The following RASA3 variants were observed in gnomAD, a reference collection of about 807,000 sequenced individuals.
The protein encoded by RASA3 is ras GTPase-activating protein 3.
In RASA3, 73 loss-of-function variants were observed where a neutral mutation model predicts 110.0. The ratio of observed to expected loss-of-function variants is 0.66; its 90% CI spans 0.55 to 0.81. The LOEUF (loss-of-function observed/expected upper bound fraction) is 0.81. RASA3 is among the 30% of genes least tolerant of loss of function. The pLI, the probability that RASA3 is intolerant of heterozygous loss-of-function variation, is 0.00. For synonymous variants in RASA3, 500 were observed against 451.4 expected, an observed-to-expected ratio of 1.11 and a Z score of -1.37; for missense variants, 976 against 1,113.2, an observed-to-expected ratio of 0.88 and a Z score of 1.75.
intron 18 of RASA3, 42 bp from the exon 19 acceptor site, chr13:114,000,974 G>T: frequency 7.3e-7 from 1 of 1,372,386 alleles, no homozygotes. Flanking sequence ...GGCCTCAGCT[G>T]CCTCCCTGCA....
chr13:114,077,792 C>T lies in RASA3; in HGVS notation c.56-3955G>A, dbSNP rs2139684968. On this transcript the variant is annotated intron_variant, in intron 1 of 23. Transcript: ENST00000334062. ...GGTTCCTCCCTCCCCGCCCGATGGC[C>T]CCGTCTTTACCTCCTTCTCCTTGCT... is the stretch of plus-strand genomic sequence containing the variant. 3 of 979,952 alleles carry T rather than the reference C, an allele frequency of 3.1e-6. No individual in the cohort carries two copies. The Admixed American group carries it at 1.8e-4, about 60-fold the overall frequency. 60.7% of individuals were successfully genotyped at this position (979,952 alleles called of 1,614,324 possible). A position where few individuals can be genotyped will look rare whatever the true frequency, so the allele number is the denominator to read the frequency against.
At chr13:114,012,794 GTCCACGCAC>G in intron 15 of RASA3, among the ~76,000 whole-genome samples, 1 of 67,074 alleles carries the variant, frequency 1.5e-5, no homozygotes, top group African/African-American at 6.5e-5. Context: ...TCCCCACGCA[GTCCACGCAC>G]TCCACACACT....
At chr13:114,031,331 GTGTT>G (rs1294473525) in intron 4 of RASA3, among the ~76,000 whole-genome samples, 1 of 151,882 alleles carries the variant, frequency 6.6e-6, no homozygotes, top group African/African-American at 2.4e-5. Context: ...GCCTGTCTGT[GTGTT>G]TGGCTGTGTG....
chr13:114,009,684 G>A (rs567027559), intron 16 of RASA3, among the ~76,000 whole-genome samples: 6 of 152,344 alleles, frequency 3.9e-5, no homozygotes, highest in East Asian at 3.9e-4. Flanking sequence ...GCCAGTGCCC[G>A]TGAGGTCTCC....
rs1168855329 is a variant in RASA3, at chr13:114,011,561, G to C, written c.1513-313C>G. Reference sequence around the variant, plus strand: ...TCATGGCTCTGGGGCGCTGAGTCTCGGGGTGCTGAGTCTCCTGGCCCTGCC... The same window carrying C: ...TCATGGCTCTGGGGCGCTGAGTCTCCGGGTGCTGAGTCTCCTGGCCCTGCC... On this transcript the variant is annotated intron_variant, in intron 15 of 23. Transcript: ENST00000334062. The surrounding 1 kb of genome is among the most constrained non-coding windows in gnomAD (Gnocchi z 4.8). 6.6e-6 allele frequency among the ~76,000 whole-genome samples: 1 copy of C among 152,098 alleles called. No individual in the cohort carries two copies. Among genetic ancestry groups the C allele is most frequent in the East Asian group, 1.9e-4 (1 of 5,190 alleles).
chr13:114,108,352 G>A (rs1388210667), intron 1 of RASA3, among the ~76,000 whole-genome samples: 4 of 100,318 alleles, frequency 4.0e-5, no homozygotes, highest in Non-Finnish European at 6.1e-5. Flanking sequence ...CCGTCATCCC[G>A]TGTCCATCAC....
In RASA3 at chr13:114,014,856, C is replaced by G. The variant is rs1261864162; in HGVS notation, c.1405+353G>C. ...CACATCAGGAAAATTCACATTCCACCCCGACAAAGCCTGGCCACCCTTCCC... is the reference window on the plus strand; with the variant it reads ...CACATCAGGAAAATTCACATTCCACGCCGACAAAGCCTGGCCACCCTTCCC... On this transcript the variant is annotated intron_variant, in intron 14 of 23. Transcript: ENST00000334062. This position sits in a 1 kb window ranked among gnomAD's most constrained non-coding sequence, Gnocchi z 4.5. 6.6e-6 allele frequency among the ~76,000 whole-genome samples: 1 copy of G among 152,090 alleles called. No homozygotes were observed. The highest frequency in any genetic ancestry group is 1.5e-5 in the Non-Finnish European group (1 of 68,000).
intron 20 of RASA3, among the ~76,000 whole-genome samples, chr13:113,998,233 G>A (rs1197890022): frequency 7.2e-5 from 11 of 152,152 alleles, no homozygotes. Context: ...AGCAGGCATT[G>A]AGCCCACACC....
chr13:114,117,782 GGA>G (rs2080312643), intron 1 of RASA3, among the ~76,000 whole-genome samples: 1 of 125,428 alleles, frequency 8.0e-6, no homozygotes, highest in African/African-American at 2.9e-5. Flanking sequence ...ACGTGTGTGA[GGA>G]GAGCACGTGT....
chr13:114,054,901 G>A (rs1274507220), intron 2 of RASA3, among the ~76,000 whole-genome samples: 3 of 152,402 alleles, frequency 2.0e-5, no homozygotes, highest in Non-Finnish European at 2.9e-5. Context: ...GGGCACCGCC[G>A]AGATCTGATG....
At position 114,117,180 on chromosome 13, in the gene RASA3, ATGTGTGTGAGGAGAG is replaced by A. The variant is rs1324317134; in HGVS notation, c.55+15240_55+15254del. On this transcript the variant is annotated intron_variant, in intron 1 of 23. Coordinates refer to ENST00000334062, the MANE Select transcript of RASA3 (RefSeq NM_007368.4). The stretch of plus-strand genomic sequence containing the variant: ...AGGGGTGCACGTGTGTGACAGATGC[ATGTGTGTGAGGAGAG>A]CACGTGTGTGAGGGGTGCACGTGTG... Among the ~76,000 whole-genome samples the A allele has an allele frequency of 1.7e-3, 165 of 96,812 alleles. 28 individuals are homozygous for A. The highest frequency in any genetic ancestry group is 0.016 in the Admixed American group (153 of 9,400). 63.5% of individuals were successfully genotyped at this position (96,812 alleles called of 152,430 possible).
At chr13:114,026,137 G>A (rs113451977) in intron 7 of RASA3, among the ~76,000 whole-genome samples, 5 of 152,372 alleles carry the variant, frequency 3.3e-5, no homozygotes, top group African/African-American at 1.2e-4. Context: ...TGAAACAGGA[G>A]TGCACACAGT....
At chr13:113,989,530 A>AC (rs1194762338) in intron 22 of RASA3, among the ~76,000 whole-genome samples, 2 of 113,588 alleles carry the variant, frequency 1.8e-5, no homozygotes, top group African/African-American at 6.9e-5. Context: ...CCGTCCATCC[A>AC]CCATCACTCA....
intron 4 of RASA3, among the ~76,000 whole-genome samples, chr13:114,037,724 CAG>C (rs1465373622): frequency 1.3e-5 from 2 of 152,232 alleles, no homozygotes; most frequent in Admixed American, 6.5e-5. Context: ...ATAGAATACA[CAG>C]AGAGACACAC....
intron 4 of RASA3, among the ~76,000 whole-genome samples, chr13:114,039,497 C>T (rs188926250): frequency 5.9e-5 from 9 of 151,728 alleles, no homozygotes; most frequent in East Asian, 2.0e-4. Context: ...GACCCTGTGC[C>T]GCAACCCTAC....
intron 12 of RASA3, among the ~76,000 whole-genome samples, chr13:114,016,888 G>A (rs1317948294): frequency 5.3e-5 from 8 of 152,324 alleles, no homozygotes; most frequent in South Asian, 2.1e-4. Flanking sequence ...AGGACTGGGC[G>A]TGCAGCTCAA....
chr13:114,112,929 G>C lies in RASA3; in HGVS notation c.55+19506C>G, dbSNP rs574007155. On this transcript the variant is annotated intron_variant, in intron 1 of 23. Transcript: ENST00000334062. This position sits in a 1 kb window ranked among gnomAD's most constrained non-coding sequence, Gnocchi z 4.8. ...TGGGAAGGTGCTTAGCTCAGGGAGGGCTGGAGGGTGGGACTAGGAGGCACT... is the reference window on the plus strand; with the variant it reads ...TGGGAAGGTGCTTAGCTCAGGGAGGCCTGGAGGGTGGGACTAGGAGGCACT... Among the ~76,000 whole-genome samples the C allele has an allele frequency of 7.2e-5, 11 of 152,162 alleles. No homozygotes were observed. The highest frequency in any genetic ancestry group is 1.5e-4 in the Non-Finnish European group (10 of 68,028).
intron 1 of RASA3, among the ~76,000 whole-genome samples, chr13:114,089,611 C>A (rs2079866218): frequency 6.6e-6 from 1 of 152,162 alleles, no homozygotes; most frequent in African/African-American, 2.4e-5. Flanking sequence ...GGACATCAGC[C>A]CTGCACAGAC....
At chr13:114,055,859 C>CGCACA (rs1594397023) in intron 2 of RASA3, among the ~76,000 whole-genome samples, 1 of 152,236 alleles carries the variant, frequency 6.6e-6, no homozygotes, top group African/African-American at 2.4e-5. Flanking sequence ...AGCGGGAGCA[C>CGCACA]GCACAGCTCT....
Sources: allele counts gnomAD v4.1 joint callset (sites outside exome capture counted in the v4.1 genomes callset), GRCh38; gene constraint gnomAD v4.1.1; non-coding constraint Gnocchi (gnomAD v3.1); transcripts MANE v1.5; gene names NCBI Gene and HGNC (gene_info 2026-07-23, HGNC 2026-07-21).